The following PPP2R2B variants were observed in gnomAD, a reference collection of about 807,000 sequenced individuals.
The protein encoded by PPP2R2B is protein phosphatase 2 regulatory subunit Bbeta, also known as serine/threonine-protein phosphatase 2A 55 kDa regulatory subunit B beta isoform.
Under a neutral mutation model 46.0 loss-of-function variants are expected in PPP2R2B, and 5 were observed. The observed-to-expected ratio is 0.11, with a 90% confidence interval of 0.06 to 0.23. The LOEUF (loss-of-function observed/expected upper bound fraction) is 0.23. PPP2R2B is among the 10% of genes least tolerant of loss of function. The probability of loss-of-function intolerance (pLI) is 1.00; values close to 1 mark genes in which losing one functional copy is unlikely to be tolerated. For synonymous variants in PPP2R2B, 215 were observed against 206.7 expected, an observed-to-expected ratio of 1.04 and a Z score of -0.34; for missense variants, 367 against 575.0, an observed-to-expected ratio of 0.64 and a Z score of 3.70.
chr5:146,871,367 C>T (rs1224183975), intron 2 of PPP2R2B, among the ~76,000 whole-genome samples: 2 of 152,206 alleles, frequency 1.3e-5, no homozygotes, highest in South Asian at 2.1e-4. Flanking sequence ...CCAGCGGGAC[C>T]ATCTCAGCTC....
chr5:146,810,417 C>G (rs1757455700), intron 2 of PPP2R2B, among the ~76,000 whole-genome samples: 1 of 152,156 alleles, frequency 6.6e-6, no homozygotes, highest in African/African-American at 2.4e-5. Flanking sequence ...ATGGAGAAAA[C>G]CACCCCCATG....
chr5:146,784,814 A>G (rs1755739076), intron 2 of PPP2R2B, among the ~76,000 whole-genome samples: 1 of 152,236 alleles, frequency 6.6e-6, no homozygotes, highest in African/African-American at 2.4e-5. Flanking sequence ...TTTACAGAAT[A>G]TCAGTTTCCT....
chr5:146,792,314 G>T (rs1756252259), intron 2 of PPP2R2B, among the ~76,000 whole-genome samples: 1 of 152,166 alleles, frequency 6.6e-6, no homozygotes, highest in African/African-American at 2.4e-5. Flanking sequence ...TAGTTCAAGA[G>T]CCCAGCCAAA....
chr5:146,598,892 GA>G (rs544009288), intron 8 of PPP2R2B, among the ~76,000 whole-genome samples: 2 of 152,102 alleles, frequency 1.3e-5, no homozygotes, highest in Non-Finnish European at 2.9e-5. Flanking sequence ...TGTCAATGAT[GA>G]AAATGATCTG....
intron 1 of PPP2R2B, among the ~76,000 whole-genome samples, chr5:146,900,745 C>T (rs566552155): frequency 6.6e-6 from 1 of 152,068 alleles, no homozygotes; most frequent in Admixed American, 6.6e-5. Flanking sequence ...AGGTATTAAG[C>T]CGGGCATGCA....
chr5:146,838,969 A>G (rs992295845), intron 2 of PPP2R2B, among the ~76,000 whole-genome samples: 4 of 152,320 alleles, frequency 2.6e-5, no homozygotes, highest in Admixed American at 2.6e-4. Flanking sequence ...TCCCTGTGAG[A>G]AAACCATCTC....
At chr5:146,830,987 G>A (rs1758891662) in intron 2 of PPP2R2B, among the ~76,000 whole-genome samples, 2 of 152,214 alleles carry the variant, frequency 1.3e-5, no homozygotes, top group Non-Finnish European at 1.5e-5. Flanking sequence ...ATGCCAGAGT[G>A]CAATGCATTA....
At chr5:147,027,068 G>T (rs1391237863) in intron 1 of PPP2R2B, among the ~76,000 whole-genome samples, 1 of 151,886 alleles carries the variant, frequency 6.6e-6, no homozygotes, top group Admixed American at 6.6e-5. Context: ...AAAAAATTTT[G>T]GTATATTCAC....
At chr5:146,847,502 T>A (rs1309369475) in intron 2 of PPP2R2B, among the ~76,000 whole-genome samples, 1 of 152,210 alleles carries the variant, frequency 6.6e-6, no homozygotes, top group Non-Finnish European at 1.5e-5. Context: ...GCAGCAGGTG[T>A]GTCTGGTACA....
At chr5:146,786,781 C>T (rs1215649323) in intron 2 of PPP2R2B, among the ~76,000 whole-genome samples, 1 of 152,224 alleles carries the variant, frequency 6.6e-6, no homozygotes, top group East Asian at 1.9e-4. Flanking sequence ...CTAGCAAGTT[C>T]CTTTTTATTA....
chr5:146,919,406 G>A (rs1436343416), intron 1 of PPP2R2B: 1 of 152,150 alleles, frequency 6.6e-6, no homozygotes, highest in Non-Finnish European at 1.5e-5. Flanking sequence ...CCAAAATCTG[G>A]TTTCTGTTTC....
chr5:146,740,919 C>A (rs749681860), intron 2 of PPP2R2B, among the ~76,000 whole-genome samples: 7 of 152,054 alleles, frequency 4.6e-5, no homozygotes, highest in Non-Finnish European at 7.4e-5. Flanking sequence ...CAGATTCCAT[C>A]CCAGCTACTC....
intron 2 of PPP2R2B, among the ~76,000 whole-genome samples, chr5:146,841,858 C>T (rs931160276): frequency 1.1e-4 from 17 of 152,080 alleles, no homozygotes; most frequent in African/African-American, 4.1e-4. Flanking sequence ...GTGCAGCAAA[C>T]CACCATGGCA....
chr5:146,727,948 C>T (rs1751978118), intron 2 of PPP2R2B, among the ~76,000 whole-genome samples: 1 of 151,832 alleles, frequency 6.6e-6, no homozygotes. Flanking sequence ...TTTTAGATTC[C>T]ACATATAAGT....
At chr5:147,015,336 C>A (rs570611099) in intron 1 of PPP2R2B, among the ~76,000 whole-genome samples, 1 of 151,712 alleles carries the variant, frequency 6.6e-6, no homozygotes, top group South Asian at 2.1e-4. Context: ...ACAATGTGAA[C>A]CTCCTACATG....
chr5:146,592,016 T>TA, intron 9 of PPP2R2B: 1 of 349,976 alleles, frequency 2.9e-6, no homozygotes, highest in Non-Finnish European at 5.4e-6. Context: ...TAATAACAGA[T>TA]ATGTAAATAA....
At chr5:146,804,815 C>G (rs1757077834) in intron 2 of PPP2R2B, among the ~76,000 whole-genome samples, 1 of 152,108 alleles carries the variant, frequency 6.6e-6, no homozygotes, top group African/African-American at 2.4e-5. Context: ...TGAGGAGAAG[C>G]ATATGTTTAA....
At chr5:146,860,232 A>G (rs1455823961) in intron 2 of PPP2R2B, among the ~76,000 whole-genome samples, 3 of 152,206 alleles carry the variant, frequency 2.0e-5, no homozygotes, top group Non-Finnish European at 4.4e-5. Flanking sequence ...TTTTAAGTAT[A>G]CATTTTCCCT....
intron 2 of PPP2R2B, among the ~76,000 whole-genome samples, chr5:146,840,357 T>A (rs1282920285): frequency 6.6e-6 from 1 of 152,228 alleles, no homozygotes; most frequent in African/African-American, 2.4e-5. Flanking sequence ...AATATAATAC[T>A]ATATGCAGGG....
Sources: allele counts gnomAD v4.1 joint callset (sites outside exome capture counted in the v4.1 genomes callset), GRCh38; gene constraint gnomAD v4.1.1; transcripts MANE v1.5; gene names NCBI Gene and HGNC (gene_info 2026-07-23, HGNC 2026-07-21).